Variants in CSMD1 observed in about 807,000 individuals in gnomAD.
CSMD1 encodes the protein CUB and Sushi multiple domains 1, also known as CUB and sushi domain-containing protein 1.
A neutral mutation model predicts 417.5 loss-of-function variants in CSMD1; 213 were observed. The ratio of observed to expected loss-of-function variants is 0.51; its 90% CI spans 0.46 to 0.57. CSMD1 has a LOEUF of 0.57. Ranked by LOEUF, CSMD1 falls within the 20% of genes least tolerant of loss-of-function variation. CSMD1 has a pLI of 0.00. For synonymous variants in CSMD1, 2,862 were observed against 1,736.8 expected, an observed-to-expected ratio of 1.65 and a Z score of -16.11; for missense variants, 6,923 against 4,529.7, an observed-to-expected ratio of 1.53 and a Z score of -15.17.
chr8:4,644,301 C>A (rs2169740), intron 1 of CSMD1, among the ~76,000 whole-genome samples: 4 of 151,844 alleles, frequency 2.6e-5, no homozygotes, highest in Non-Finnish European at 4.4e-5. Flanking sequence ...TGAGCTTTGC[C>A]CAGATTTTTT....
intron 5 of CSMD1, among the ~76,000 whole-genome samples, chr8:3,973,173 G>C (rs1585057853): frequency 1.3e-5 from 2 of 152,190 alleles, no homozygotes; most frequent in South Asian, 4.1e-4. Flanking sequence ...TGAAAACGTG[G>C]AAAAACTGTT....
Position 3,394,020 on chromosome 8 carries a change from A to AAATTT in CSMD1, c.2593+2173_2593+2174insAAATT, listed in dbSNP as rs1563342289. 4.4e-4 allele frequency among the ~76,000 whole-genome samples: 23 copies of AAATTT among 52,072 alleles called. 1 individual carries two copies. In the South Asian group the frequency reaches 4.6e-3, roughly 10 times the overall value. 34.2% of individuals were successfully genotyped at this position (52,072 alleles called of 152,430 possible). On this transcript the variant is annotated intron_variant, in intron 17 of 69. Coordinates refer to ENST00000635120, the MANE Select transcript of CSMD1 (RefSeq NM_033225.6). ...AATAATAAAAAAATAAATTATATATATATATATATATATATATATATATAT... is the reference window on the plus strand; with the variant it reads ...AATAATAAAAAAATAAATTATATATAAATTTTATATATATATATATATATATATAT...
chr8:3,795,751 C>G lies in CSMD1; in HGVS notation c.819-41709G>C, dbSNP rs1276671639. ...ATCTATCATGTACAGCTATAGATAC[C>G]TATCATGTACAGCTATAGATACCTA... is the stretch of plus-strand genomic sequence containing the variant. On this transcript the variant is annotated intron_variant, in intron 5 of 69. Coordinates refer to ENST00000635120, the MANE Select transcript of CSMD1 (RefSeq NM_033225.6). 3.9e-5 allele frequency among the ~76,000 whole-genome samples: 2 copies of G among 51,418 alleles called. 1 individual carries two copies. Among genetic ancestry groups the G allele is most frequent in the African/African-American group, 1.4e-4 (2 of 13,928 alleles). The allele number at this position is 51,418 out of a possible 152,430, so 33.7% of individuals were successfully genotyped here.
At chr8:3,680,535 G>T (rs1017385778) in intron 7 of CSMD1, among the ~76,000 whole-genome samples, 71 of 152,138 alleles carry the variant, frequency 4.7e-4, no homozygotes, top group Non-Finnish European at 7.4e-5. Flanking sequence ...TGAAATTGAG[G>T]TAATAATTAA....
chr8:4,470,413 T>C (rs1800459425), intron 2 of CSMD1, among the ~76,000 whole-genome samples: 1 of 152,234 alleles, frequency 6.6e-6, no homozygotes, highest in Admixed American at 6.5e-5. Flanking sequence ...CACCTGACAA[T>C]TTCTTCACAG....
chr8:3,315,131 C>G (rs769121148), intron 23 of CSMD1, among the ~76,000 whole-genome samples: 7 of 152,034 alleles, frequency 4.6e-5, no homozygotes, highest in Non-Finnish European at 1.0e-4. Flanking sequence ...ACTTCTTTGG[C>G]AAAAATCTCT....
At chr8:3,797,740 A>AT in intron 5 of CSMD1, among the ~76,000 whole-genome samples, 1 of 152,078 alleles carries the variant, frequency 6.6e-6, no homozygotes, top group South Asian at 2.1e-4. Flanking sequence ...TATACAAAAT[A>AT]TTTTGTGGAC....
intron 1 of CSMD1, among the ~76,000 whole-genome samples, chr8:4,765,025 G>A (rs1258525446): frequency 6.6e-6 from 1 of 151,930 alleles, no homozygotes; most frequent in Non-Finnish European, 1.5e-5. Flanking sequence ...GTTTAATTAA[G>A]CAACTGCATG....
At chr8:4,548,419 T>C (rs1797726341) in intron 2 of CSMD1, among the ~76,000 whole-genome samples, 1 of 152,212 alleles carries the variant, frequency 6.6e-6, no homozygotes, top group Non-Finnish European at 1.5e-5. Context: ...TTCTTTGTTA[T>C]GCTATAACAT....
intron 1 of CSMD1, among the ~76,000 whole-genome samples, chr8:4,719,388 C>A (rs1490139593): frequency 2.0e-5 from 3 of 152,168 alleles, no homozygotes; most frequent in African/African-American, 7.2e-5. Flanking sequence ...TCTCTCCCTC[C>A]CTTCCTGCCC....
At chr8:4,698,652 G>A (rs1269678149) in intron 1 of CSMD1, among the ~76,000 whole-genome samples, 2 of 149,560 alleles carry the variant, frequency 1.3e-5, no homozygotes, top group African/African-American at 2.5e-5. Flanking sequence ...AGAAGGAAGG[G>A]AGAAGACAGG....
intron 1 of CSMD1, among the ~76,000 whole-genome samples, chr8:4,833,377 C>T (rs933909122): frequency 6.6e-6 from 1 of 152,108 alleles, no homozygotes; most frequent in Non-Finnish European, 1.5e-5. Context: ...TTCAGACAAC[C>T]AGCTCTCAAG....
chr8:2,993,127 G>A (rs1314516917), intron 54 of CSMD1, among the ~76,000 whole-genome samples: 1 of 152,158 alleles, frequency 6.6e-6, no homozygotes, highest in Non-Finnish European at 1.5e-5. Flanking sequence ...TCCCAAAGCA[G>A]ATTTTTTTTA....
chr8:3,634,616 C>G (rs563942443), intron 7 of CSMD1, among the ~76,000 whole-genome samples: 2 of 152,100 alleles, frequency 1.3e-5, no homozygotes. Flanking sequence ...CTCTGTGCAG[C>G]CTTCTATCAA....
rs542743866 is a variant in CSMD1, at chr8:4,115,563, G to T, written c.416-83464C>A. 7.2e-5 allele frequency among the ~76,000 whole-genome samples: 11 copies of T among 152,058 alleles called. No homozygotes were observed. In the South Asian group the frequency reaches 2.3e-3, roughly 32 times the overall value. On this transcript the variant is annotated intron_variant, in intron 3 of 69. Coordinates refer to ENST00000635120, the MANE Select transcript of CSMD1 (RefSeq NM_033225.6). Reference sequence around the variant, plus strand: ...TCAGCTAATTCATAATTTATTATTTGGCTAATAAGGAACTTAACTGATCAT... The same window carrying T: ...TCAGCTAATTCATAATTTATTATTTTGCTAATAAGGAACTTAACTGATCAT...
Position 3,763,204 on chromosome 8 carries a change from A to G in CSMD1, c.819-9162T>C, listed in dbSNP as rs2720782. On this transcript the variant is annotated intron_variant, in intron 5 of 69. Coordinates refer to ENST00000635120, the MANE Select transcript of CSMD1 (RefSeq NM_033225.6). ...CTAGGCCAGTCCCACATCATAAAGT[A>G]GAAATGACTATATGAAACCCTCGAT... Among the ~76,000 whole-genome samples, 1,624 of 152,326 alleles carry G rather than the reference A, an allele frequency of 0.011. 79 individuals are homozygous for G. In the East Asian group the frequency reaches 0.16, roughly 15 times the overall value.
intron 3 of CSMD1, among the ~76,000 whole-genome samples, chr8:4,378,088 T>G (rs1027058852): frequency 6.6e-6 from 1 of 152,222 alleles, no homozygotes; most frequent in Non-Finnish European, 1.5e-5. Context: ...GAAGGTGAAG[T>G]AGATGCAAAA....
chr8:3,665,190 T>C (rs998935599), intron 7 of CSMD1, among the ~76,000 whole-genome samples: 59 of 152,162 alleles, frequency 3.9e-4, no homozygotes, highest in Middle Eastern at 3.2e-3. Flanking sequence ...TATTAGGTAT[T>C]TGCATCTTTT....
At chr8:3,177,583 G>A (rs546676346) in intron 37 of CSMD1, among the ~76,000 whole-genome samples, 2 of 152,266 alleles carry the variant, frequency 1.3e-5, no homozygotes, top group South Asian at 4.1e-4. Flanking sequence ...TAAGCCCATA[G>A]TAGGGATAAC....
Sources: allele counts gnomAD v4.1 joint callset (sites outside exome capture counted in the v4.1 genomes callset), GRCh38; gene constraint gnomAD v4.1.1; transcripts MANE v1.5; gene names NCBI Gene and HGNC (gene_info 2026-07-23, HGNC 2026-07-21).